The following ST3GAL3 variants were observed in gnomAD, a reference collection of about 807,000 sequenced individuals.
ST3GAL3 encodes the protein CMP-N-acetylneuraminate-beta-1,4-galactoside alpha-2,3-sialyltransferase.
ST3GAL3 carries 21 observed loss-of-function variants against 50.1 expected under a neutral mutation model. That is an observed-to-expected ratio of 0.42 (90% CI 0.30 to 0.60). The LOEUF (loss-of-function observed/expected upper bound fraction) is 0.60, where lower values mean the gene tolerates loss of function less well. Ranked by LOEUF, ST3GAL3 falls within the 20% of genes least tolerant of loss-of-function variation. The pLI is 0.19. For synonymous variants in ST3GAL3, 183 were observed against 190.0 expected (o/e 0.96, Z 0.30); for missense variants, 353 against 489.4 (o/e 0.72, Z 2.63).
intron 5 of ST3GAL3, among the ~76,000 whole-genome samples, chr1:43,857,940 T>C (rs2068923687): frequency 6.6e-6 from 1 of 152,180 alleles, no homozygotes; most frequent in South Asian, 2.1e-4. Flanking sequence ...TAGTGATTCA[T>C]TTTTATTCTA....
chr1:43,835,542 C>T (rs995241571), intron 4 of ST3GAL3, among the ~76,000 whole-genome samples: 2 of 152,074 alleles, frequency 1.3e-5, no homozygotes, highest in Non-Finnish European at 2.9e-5. Flanking sequence ...AGAGCAGTAT[C>T]TCCTGCCTTG....
chr1:43,759,059 GCGCGCGCA>G (rs1387540593), intron 2 of ST3GAL3, among the ~76,000 whole-genome samples: 9 of 66,198 alleles, frequency 1.4e-4, no homozygotes, highest in African/African-American at 4.8e-4. Context: ...ACAAACAAAA[GCGCGCGCA>G]CACACACACA....
chr1:43,851,680 A>G (rs1266285499), intron 5 of ST3GAL3: 5 of 1,333,274 alleles, frequency 3.8e-6, no homozygotes, highest in South Asian at 2.4e-5. Context: ...GCATCTTGTC[A>G]TGTGAGGACC....
At chr1:43,809,289 A>C (rs931370766) in intron 3 of ST3GAL3, among the ~76,000 whole-genome samples, 2 of 152,242 alleles carry the variant, frequency 1.3e-5, no homozygotes, top group African/African-American at 4.8e-5. Flanking sequence ...AAACTCCCAG[A>C]GGTGAAAAAT....
At chr1:43,729,877 G>A (rs1215162632) in intron 1 of ST3GAL3, among the ~76,000 whole-genome samples, 1 of 152,184 alleles carries the variant, frequency 6.6e-6, no homozygotes, top group East Asian at 1.9e-4. Context: ...AGACTATTGG[G>A]TTAAAGGGTT....
intron 9 of ST3GAL3, among the ~76,000 whole-genome samples, chr1:43,917,497 TA>T (rs1336928030): frequency 4.2e-5 from 3 of 71,224 alleles, no homozygotes; most frequent in South Asian, 4.4e-4. Flanking sequence ...ATAATATATA[TA>T]ATATATTATA....
At chr1:43,917,105 T>TTGTTTTTTAGAAGGGCTGTGCCAAATTTA in intron 9 of ST3GAL3, 1 of 152,202 alleles carries the variant, frequency 6.6e-6, no homozygotes, top group Middle Eastern at 3.4e-3. Flanking sequence ...GACACATAGA[T>TTGTTTTTTAGAAGGGCTGTGCCAAATTTA]TGTTTTTTAG....
At chr1:43,824,897 G>A (rs1347297607) in intron 4 of ST3GAL3, 1 of 749,296 alleles carries the variant, frequency 1.3e-6, no homozygotes. Context: ...GCCCAGGTGA[G>A]TCTAATATGC....
intron 2 of ST3GAL3, among the ~76,000 whole-genome samples, chr1:43,788,843 C>T (rs6701645): frequency 0.36 from 54,750 of 151,406 alleles, 10,571 homozygotes; most frequent in East Asian, 0.54. Context: ...ATAATAGAAG[C>T]ACAGTGATGG....
intron 1 of ST3GAL3, chr1:43,708,227 T>C (rs1662536577): frequency 1.3e-5 from 2 of 152,168 alleles, no homozygotes; most frequent in South Asian, 4.1e-4. Context: ...CAAGAGAAAA[T>C]ATCTTAGTGA....
At chr1:43,735,035 A>G (rs919125660) in intron 1 of ST3GAL3, among the ~76,000 whole-genome samples, 2 of 152,148 alleles carry the variant, frequency 1.3e-5, no homozygotes, top group Non-Finnish European at 2.9e-5. Flanking sequence ...CATTCAATGA[A>G]TAGAAAGTAC....
At chr1:43,921,197 C>T (rs2082977797) in intron 11 of ST3GAL3, among the ~76,000 whole-genome samples, 1 of 152,152 alleles carries the variant, frequency 6.6e-6, no homozygotes, top group South Asian at 2.1e-4. Context: ...TAGTCTAGCA[C>T]CAGCTCAGCC....
At chr1:43,715,243 T>C (rs1666794727) in intron 1 of ST3GAL3, among the ~76,000 whole-genome samples, 1 of 152,078 alleles carries the variant, frequency 6.6e-6, no homozygotes, top group Admixed American at 6.6e-5. Context: ...CGATATTTAA[T>C]GTTTTAAAAA....
intron 1 of ST3GAL3, among the ~76,000 whole-genome samples, chr1:43,729,083 A>G (rs934020257): frequency 1.1e-5 from 1 of 95,040 alleles, no homozygotes; most frequent in African/African-American, 4.0e-5. Context: ...AGAGACAATT[A>G]TTTTTCTTTT....
At chr1:43,774,930 C>T (rs566603900) in intron 2 of ST3GAL3, among the ~76,000 whole-genome samples, 2 of 152,072 alleles carry the variant, frequency 1.3e-5, no homozygotes, top group South Asian at 4.1e-4. Context: ...GTTACATCCG[C>T]GGTAAGTAAA....
chr1:43,775,182 C>A (rs571683593), intron 2 of ST3GAL3, among the ~76,000 whole-genome samples: 1 of 151,764 alleles, frequency 6.6e-6, no homozygotes, highest in Non-Finnish European at 1.5e-5. Flanking sequence ...AAAAGAAGCT[C>A]TTCCTGATTG....
At chr1:43,809,164 C>T (rs1201617762) in intron 3 of ST3GAL3, among the ~76,000 whole-genome samples, 1 of 151,880 alleles carries the variant, frequency 6.6e-6, no homozygotes, top group Admixed American at 6.6e-5. Context: ...TCAGTAGAAG[C>T]AGGCTTAGAG....
intron 6 of ST3GAL3, among the ~76,000 whole-genome samples, chr1:43,897,942 C>T (rs1046105000): frequency 2.6e-5 from 4 of 152,168 alleles, no homozygotes; most frequent in Non-Finnish European, 4.4e-5. Flanking sequence ...TGGGGCCTGA[C>T]TACAGAGCCT....
At chr1:43,810,756 G>A (rs1226065065) in intron 3 of ST3GAL3, among the ~76,000 whole-genome samples, 6 of 152,146 alleles carry the variant, frequency 3.9e-5, no homozygotes, top group Admixed American at 2.6e-4. Context: ...GCAGAGGGGC[G>A]AGGGGCGAAT....
Sources: allele counts gnomAD v4.1 joint callset (sites outside exome capture counted in the v4.1 genomes callset), GRCh38; gene constraint gnomAD v4.1.1; transcripts MANE v1.5; gene names NCBI Gene and HGNC (gene_info 2026-07-23, HGNC 2026-07-21).